NEB: variants seen among roughly 807,000 people sequenced by gnomAD.
The protein encoded by NEB is nebulin.
NEB carries 512 observed loss-of-function variants against 952.2 expected under a neutral mutation model. The ratio of observed to expected loss-of-function variants is 0.54; its 90% CI spans 0.50 to 0.58. The LOEUF (loss-of-function observed/expected upper bound fraction) is 0.58. Ranked by LOEUF, NEB falls within the 20% of genes least tolerant of loss-of-function variation. NEB has a pLI of 0.00. For missense variants in NEB, 8,428 were observed against 9,231.1 expected (o/e 0.91, Z 3.56); for synonymous variants, 2,900 against 3,149.8 (o/e 0.92, Z 2.66).
intron 38 of NEB, 88 bp downstream of exon 38, chr2:151,670,935 C>G: frequency 7.3e-7 from 1 of 1,361,750 alleles, no homozygotes. Flanking sequence ...TAGATGCATC[C>G]TCACACATTG....
In NEB at chr2:151,617,440, T is replaced by G; in HGVS notation, c.11105A>C (p.Asp3702Ala). ...KRLYTEAWDN[D>A]KKTIHVMPDT... ...AGGCATGACATGAATAGTTTTCTTG[T>G]CATTGTCCCAGGCTTCAGTATATAA... The change falls in exon 75 of 182, where the codon GAC (aspartate) becomes GCC (alanine). Residue 3702 changes from aspartate to alanine, a missense_variant. Physicochemically the swap from Asp to Ala is moderately radical, Grantham distance 126. This residue lies in a region of NEB where 1,772 missense variants were observed against 1,960.3 expected (regional missense o/e 0.90). Transcript: ENST00000397345. The G allele has an allele frequency of 6.4e-7, 1 of 1,552,078 alleles. No individual in the cohort carries two copies. The highest frequency in any genetic ancestry group is 8.7e-7 in the Non-Finnish European group (1 of 1,148,532).
At chr2:151,564,393 T>C (rs2153723820) in intron 117 of NEB, among the ~76,000 whole-genome samples, 1 of 152,292 alleles carries the variant, frequency 6.6e-6, no homozygotes, top group Middle Eastern at 3.4e-3. Context: ...CCTCAGGTGA[T>C]CTACCAACCT....
chr2:151,622,843 T>C (rs902855715), intron 71 of NEB, among the ~76,000 whole-genome samples: 1 of 152,228 alleles, frequency 6.6e-6, no homozygotes, highest in African/African-American at 2.4e-5. Context: ...TTTATAGCAA[T>C]GTTGCTTTTC....
intron 136 of NEB, 26 bp downstream of exon 136, chr2:151,541,421 G>T: frequency 1.3e-6 from 2 of 1,560,184 alleles, no homozygotes; most frequent in Non-Finnish European, 1.8e-6. Flanking sequence ...TGCCTGAGTG[G>T]CAGGCTTATG....
intron 115 of NEB, 51 bp downstream of exon 115, chr2:151,565,665 T>C: frequency 1.3e-6 from 2 of 1,569,106 alleles, no homozygotes; most frequent in South Asian, 1.1e-5. Flanking sequence ...TACCCCAACA[T>C]GGCAGGTAGG....
chr2:151,519,072 G>A lies in NEB; in HGVS notation c.22591-3C>T, dbSNP rs778824203. The stretch of plus-strand genomic sequence containing the variant: ...TTCAGGTCAGCCTTGTATTTAACCT[G>A]TGTGTTATGGGGGAAGAAAGGAAAT... On this transcript the variant is annotated splice_polypyrimidine_tract_variant and splice_region_variant and intron_variant, in intron 154 of 181. Transcript: ENST00000397345. The A allele has an allele frequency of 1.3e-6, 2 of 1,579,564 alleles. No individual in the cohort carries two copies. The highest frequency in any genetic ancestry group is 1.7e-5 in the Admixed American group (1 of 59,902).
At chr2:151,732,937 A>G (rs1246364974) in intron 3 of NEB, among the ~76,000 whole-genome samples, 184 bp downstream of exon 3, 1 of 152,202 alleles carries the variant, frequency 6.6e-6, no homozygotes, top group Non-Finnish European at 1.5e-5. Flanking sequence ...TTTCCTGTCA[A>G]TTCTAAATCC....
intron 145 of NEB, 168 bp downstream of exon 145, chr2:151,530,826 G>T: frequency 1.8e-6 from 1 of 570,272 alleles, no homozygotes; most frequent in Admixed American, 3.0e-5. Context: ...CTGTTCAGCT[G>T]TGTCCAGTCA....
At position 151,640,252 on chromosome 2, in the gene NEB, C is replaced by G. The variant is rs2098830277; in HGVS notation, c.8685+103G>C. On this transcript the variant is annotated intron_variant, in intron 61 of 181. Coordinates refer to ENST00000397345, the MANE Select transcript of NEB (RefSeq NM_001164508.2). The stretch of plus-strand genomic sequence containing the variant: ...TGTCGATAAAGGCAATGCTATTTGC[C>G]TCCTCCAGGGGCTGGTGAGCTTGTG... 49 of 1,529,758 alleles carry G rather than the reference C, an allele frequency of 3.2e-5. 1 individual carries two copies. The South Asian group carries it at 5.9e-4, about 18-fold the overall frequency. 94.8% of individuals were successfully genotyped at this position (1,529,758 alleles called of 1,614,324 possible).
In NEB at chr2:151,485,730, C is replaced by T; in HGVS notation, c.*30G>A. 6.3e-7 allele frequency: 1 copy of T among 1,577,616 alleles called. No individual in the cohort carries two copies. The highest frequency in any genetic ancestry group is 1.2e-5 in the South Asian group (1 of 85,568). On this transcript the variant is annotated 3_prime_UTR_variant, in exon 182 of 182. Coordinates refer to ENST00000397345, the MANE Select transcript of NEB (RefSeq NM_001164508.2). ...AACATTGACTGCAGGATCTGTAAGT[C>T]CTGCAGACAAGTGTGATGCTTTGAA...
At chr2:151,728,795 GA>G (rs944564783) in intron 4 of NEB, among the ~76,000 whole-genome samples, 2 of 152,142 alleles carry the variant, frequency 1.3e-5, no homozygotes, top group Admixed American at 6.5e-5. Context: ...CATCAATTAT[GA>G]AAAGAGAACC....
At chr2:151,507,213 A>C in intron 162 of NEB, 200 bp from the exon 163 acceptor site, 2 of 515,190 alleles carry the variant, frequency 3.9e-6, no homozygotes. Flanking sequence ...ATATAAAGCT[A>C]GGGGTTTGTT....
intron 148 of NEB, among the ~76,000 whole-genome samples, 175 bp from the exon 149 acceptor site, chr2:151,526,437 T>C (rs1178841151): frequency 6.6e-6 from 1 of 152,156 alleles, no homozygotes; most frequent in African/African-American, 2.4e-5. Flanking sequence ...CTCTAGCAAG[T>C]TGTGGTTTTA....
chr2:151,687,693 T>C lies in NEB; in HGVS notation c.2456A>G (p.Lys819Arg), dbSNP rs759416795. The C allele has an allele frequency of 6.2e-6, 10 of 1,601,270 alleles. No homozygotes were observed. Among genetic ancestry groups the C allele is most frequent in the Admixed American group, 3.5e-5 (2 of 57,616 alleles). ...KQDWEKSKAKKFDIKVDAIPL... is the reference protein window; with the variant it reads ...KQDWEKSKAKRFDIKVDAIPL... Reference sequence around the variant, plus strand: ...AATGGCGTCCACTTTAATGTCAAACTTCTTGGCTTTGCTCTTCTCCCAGTC... The same window carrying C: ...AATGGCGTCCACTTTAATGTCAAACCTCTTGGCTTTGCTCTTCTCCCAGTC... The change falls in exon 26 of 182, where the codon AAG (lysine) becomes AGG (arginine). Residue 819 changes from lysine (K) to arginine (R), a missense_variant. By Grantham distance (26) the Lys-to-Arg change is conservative (BLOSUM62 2). Coordinates refer to ENST00000397345, the MANE Select transcript of NEB (RefSeq NM_001164508.2).
In NEB at chr2:151,538,163, T is replaced by C. The variant is rs754700207; in HGVS notation, c.20974A>G (p.Lys6992Glu). Reference sequence around the variant, plus strand: ...ACTTTACTGATGTCATCTGTGACTTTGCGATGATAGACAATGTCTAGGGCA... The same window carrying C: ...ACTTTACTGATGTCATCTGTGACTTCGCGATGATAGACAATGTCTAGGGCA... The part of the protein sequence containing the change: ...KDALDIVYHR[K>E]VTDDISKIKY... Residue 6992 changes from lysine to glutamate, a missense_variant, in exon 139 of 182, where the codon AAA (lysine) becomes GAA (glutamate). Physicochemically the swap from Lys to Glu is moderately conservative, Grantham distance 56 (BLOSUM62 1). Coordinates refer to ENST00000397345, the MANE Select transcript of NEB (RefSeq NM_001164508.2). The C allele has an allele frequency of 1.2e-6, 2 of 1,611,294 alleles. No homozygotes were observed. The highest frequency in any genetic ancestry group is 1.7e-6 in the Non-Finnish European group (2 of 1,177,590).
intron 4 of NEB, among the ~76,000 whole-genome samples, chr2:151,729,112 T>G (rs1440540561): frequency 6.6e-6 from 1 of 152,152 alleles, no homozygotes; most frequent in Non-Finnish European, 1.5e-5. Flanking sequence ...GGTAATAGGT[T>G]ATTTAGAATT....
At chr2:151,503,263 A>G (rs1335282436) in intron 166 of NEB, 86 bp downstream of exon 166, 1 of 977,784 alleles carries the variant, frequency 1.0e-6, no homozygotes, top group East Asian at 2.4e-5. Flanking sequence ...AATTGCTGTT[A>G]AGATGTTACT....
chr2:151,731,697 C>T (rs1261117226), intron 3 of NEB, among the ~76,000 whole-genome samples: 1 of 152,110 alleles, frequency 6.6e-6, no homozygotes. Flanking sequence ...TCAATCAAGT[C>T]TAGCACTAAG....
chr2:151,709,543 G>T, intron 12 of NEB, 113 bp downstream of exon 12: 1 of 737,178 alleles, frequency 1.4e-6, no homozygotes, highest in Non-Finnish European at 2.3e-6. Flanking sequence ...AGCCCTGGTA[G>T]TTCCCCCAAG....
Sources: allele counts gnomAD v4.1 joint callset (sites outside exome capture counted in the v4.1 genomes callset), GRCh38; gene constraint gnomAD v4.1.1; regional missense constraint gnomAD v4.1.1; transcripts MANE v1.5; gene names NCBI Gene and HGNC (gene_info 2026-07-23, HGNC 2026-07-21).